The following POU2AF3 variants were observed in gnomAD, a reference collection of about 807,000 sequenced individuals.
POU2AF3 encodes the protein cancer susceptibility candidate 13.
At chr11:111,304,161 G>C in the POU2AF3 span, among the ~76,000 whole-genome samples, 1 of 152,032 alleles carries the variant, frequency 6.6e-6, no homozygotes, top group Non-Finnish European at 1.5e-5. Context: ...AATATTTCAT[G>C]TATACTAAGA....
the POU2AF3 span, chr11:111,299,218 C>T: frequency 3.1e-6 from 3 of 981,338 alleles, no homozygotes; most frequent in Non-Finnish European, 2.4e-6. Flanking sequence ...CTGCGGTCCC[C>T]GCAGTGACCA....
At chr11:111,300,645 T>C in the POU2AF3 span, 2 of 1,190,444 alleles carry the variant, frequency 1.7e-6, no homozygotes, top group Non-Finnish European at 2.1e-6. Flanking sequence ...CTTCCCTCAT[T>C]CCCCAGCCCA....
At chr11:111,304,255 C>G in the POU2AF3 span, among the ~76,000 whole-genome samples, 1 of 152,080 alleles carries the variant, frequency 6.6e-6, no homozygotes, top group African/African-American at 2.4e-5. Flanking sequence ...GGCTAAGTAG[C>G]CAGATGGTAT....
At chr11:111,303,020 G>A in the POU2AF3 span, among the ~76,000 whole-genome samples, 1 of 152,194 alleles carries the variant, frequency 6.6e-6, no homozygotes, top group Non-Finnish European at 1.5e-5. Context: ...ATACTACAAA[G>A]TGGCAAGAAA....
chr11:111,298,826 G>GGGGGGGGGGCCCC, the POU2AF3 span: 15 of 790,956 alleles, frequency 1.9e-5, no homozygotes, highest in Non-Finnish European at 2.4e-5. Context: ...CGTACCCCAG[G>GGGGGGGGGGCCCC]CCCCCGCCCG....
At chr11:111,306,728 C>A in the POU2AF3 span, 4 of 838,130 alleles carry the variant, frequency 4.8e-6, no homozygotes, top group Non-Finnish European at 7.4e-6. Context: ...AAACTATCAG[C>A]AAGGAAATCA....
the POU2AF3 span, chr11:111,299,217 C>T: frequency 1.0e-6 from 1 of 982,762 alleles, no homozygotes; most frequent in Non-Finnish European, 1.2e-6. Context: ...GCTGCGGTCC[C>T]CGCAGTGACC....
At chr11:111,302,889 T>C in the POU2AF3 span, among the ~76,000 whole-genome samples, 4 of 152,240 alleles carry the variant, frequency 2.6e-5, no homozygotes, top group Admixed American at 6.5e-5. Flanking sequence ...CACCAGGGGA[T>C]GATGTTGCCT....
At chr11:111,306,355 T>C in the POU2AF3 span, 2 of 1,270,022 alleles carry the variant, frequency 1.6e-6, no homozygotes, top group East Asian at 5.4e-5. Flanking sequence ...TGTTTTGCAA[T>C]TTTTATGCAA....
At chr11:111,303,384 T>C in the POU2AF3 span, among the ~76,000 whole-genome samples, 1 of 152,242 alleles carries the variant, frequency 6.6e-6, no homozygotes, top group African/African-American at 2.4e-5. Context: ...TTATAAATTG[T>C]AGACTGTGAA....
chr11:111,299,147 T>C, the POU2AF3 span: 4 of 947,994 alleles, frequency 4.2e-6, no homozygotes, highest in Non-Finnish European at 5.0e-6. Flanking sequence ...GAGCGCAATC[T>C]CCTTTCCTGG....
At chr11:111,304,742 T>C in the POU2AF3 span, 1 of 392,580 alleles carries the variant, frequency 2.5e-6, no homozygotes, top group Admixed American at 4.4e-5. Context: ...CACTTGTTTT[T>C]TACAATATAT....
the POU2AF3 span, chr11:111,298,826 G>GCGGGGGCCGC: frequency 1.3e-6 from 1 of 790,962 alleles, no homozygotes; most frequent in Non-Finnish European, 1.7e-6. Context: ...CGTACCCCAG[G>GCGGGGGCCGC]CCCCCGCCCG....
At chr11:111,300,703 A>C in the POU2AF3 span, 1 of 666,218 alleles carries the variant, frequency 1.5e-6, no homozygotes, top group East Asian at 3.6e-5. Context: ...GAGGCCACTC[A>C]AGGCCCCACG....
the POU2AF3 span, among the ~76,000 whole-genome samples, chr11:111,303,953 G>A: frequency 6.6e-6 from 1 of 151,016 alleles, no homozygotes; most frequent in African/African-American, 2.4e-5. Context: ...GAAAAATGCA[G>A]GCTGCTTTAC....
the POU2AF3 span, chr11:111,298,824 A>AGGGGGGGGGGGC: frequency 1.1e-6 from 1 of 903,144 alleles, no homozygotes; most frequent in Non-Finnish European, 1.4e-6. Context: ...CGCGTACCCC[A>AGGGGGGGGGGGC]GGCCCCCGCC....
At chr11:111,298,825 G>GGCCGGGC in the POU2AF3 span, 1 of 852,674 alleles carries the variant, frequency 1.2e-6, no homozygotes, top group Non-Finnish European at 1.5e-6. Flanking sequence ...GCGTACCCCA[G>GGCCGGGC]GCCCCCGCCC....
the POU2AF3 span, chr11:111,298,906 G>C: frequency 5.5e-6 from 6 of 1,099,068 alleles, no homozygotes; most frequent in East Asian, 1.6e-4. Flanking sequence ...AAGCTGCTAC[G>C]GGGGGAGCTA....
At chr11:111,298,689 A>C in the POU2AF3 span, 19 of 1,163,624 alleles carry the variant, frequency 1.6e-5, no homozygotes, top group Admixed American at 4.2e-5. Context: ...GAGAGGCACA[A>C]AGTCAAGGCA....
Sources: gnomAD v4.1 joint callset for allele counts (sites outside exome capture counted in the v4.1 genomes callset) on GRCh38, gnomAD v4.1.1 for gene constraint, MANE v1.5 for transcripts, NCBI Gene and HGNC (gene_info 2026-07-23, HGNC 2026-07-21) for gene names.